KLF8: variants seen among roughly 807,000 people sequenced by gnomAD.
KLF8 encodes the protein KLF transcription factor 8, also known as Krueppel-like factor 8.
KLF8 carries 10 observed loss-of-function variants against 18.2 expected under a neutral mutation model. That is an observed-to-expected ratio of 0.55 (90% CI 0.34 to 0.93). KLF8 has a LOEUF of 0.93. KLF8 is among the 40% of genes least tolerant of loss of function. The probability of loss-of-function intolerance (pLI) is 0.02; values close to 1 mark genes in which losing one functional copy is unlikely to be tolerated. For synonymous variants in KLF8, 109 were observed against 97.3 expected (o/e 1.12, Z -0.71); for missense variants, 264 against 277.9 (o/e 0.95, Z 0.36).
At chrX:56,189,899 T>A in the KLF8 span, among the ~76,000 whole-genome samples, 1 of 99,238 alleles carries the variant, frequency 1.0e-5, no homozygotes, top group African/African-American at 3.6e-5. Flanking sequence ...AGGGATAACA[T>A]TAGGAGATAT....
chrX:56,178,878 T>G, the KLF8 span, among the ~76,000 whole-genome samples: 1 of 112,426 alleles, frequency 8.9e-6, no homozygotes, highest in African/African-American at 3.2e-5. Context: ...GCTGTTTCAG[T>G]TACTGTCGCC....
the KLF8 span, among the ~76,000 whole-genome samples, chrX:56,021,372 A>C: frequency 9.0e-6 from 1 of 111,712 alleles, no homozygotes; most frequent in South Asian, 3.7e-4. Context: ...CATTTGGGTC[A>C]TGTTCAGTTT....
chrX:56,167,227 T>C, the KLF8 span, among the ~76,000 whole-genome samples: 2 of 111,109 alleles, frequency 1.8e-5, no homozygotes, highest in Non-Finnish European at 3.8e-5. Flanking sequence ...GCCTCCTGGG[T>C]TCAAGCGATT....
At chrX:56,126,523 C>T in the KLF8 span, among the ~76,000 whole-genome samples, 1 of 111,030 alleles carries the variant, frequency 9.0e-6, no homozygotes, top group Non-Finnish European at 1.9e-5. Context: ...TCAGTGGCTT[C>T]CCATATTATT....
the KLF8 span, among the ~76,000 whole-genome samples, chrX:56,201,389 A>T: frequency 8.9e-6 from 1 of 111,850 alleles, no homozygotes; most frequent in African/African-American, 3.2e-5. Flanking sequence ...GATCACAATT[A>T]TTCGATGAAT....
At chrX:56,093,390 A>G in the KLF8 span, among the ~76,000 whole-genome samples, 1 of 111,243 alleles carries the variant, frequency 9.0e-6, no homozygotes, top group Non-Finnish European at 1.9e-5. Context: ...AAACAACAAG[A>G]GAGTGGAGTA....
chrX:56,215,175 G>T, the KLF8 span, among the ~76,000 whole-genome samples: 1 of 111,482 alleles, frequency 9.0e-6, no homozygotes, highest in Non-Finnish European at 1.9e-5. Flanking sequence ...ATTAAGTGCT[G>T]CCCTTGTTGT....
Position 56,262,926 on chromosome X carries a change from A to G in KLF8, c.82-2254A>G, listed in dbSNP as rs764489937. On this transcript the variant is annotated intron_variant, in intron 2 of 5. Transcript: ENST00000468660. ...GCATGAGCCACCGCGCCCGCCCTAC[A>G]CTGAACCTCTTCTTATGCTTTCTAT... 5.4e-5 allele frequency among the ~76,000 whole-genome samples: 6 copies of G among 111,886 alleles called. No individual in the cohort carries two copies. The South Asian group carries it at 2.3e-3, about 42-fold the overall frequency.
At chrX:56,242,933 C>CA (rs2066566248) in intron 1 of KLF8, 1 of 449,900 alleles carries the variant, frequency 2.2e-6, no homozygotes, top group Admixed American at 2.4e-5. Flanking sequence ...CAGCTGGACT[C>CA]AGTTTAGATG....
chrX:56,215,864 GAAAAGAAAAGA>G, the KLF8 span, among the ~76,000 whole-genome samples: 3 of 48,712 alleles, frequency 6.2e-5, no homozygotes, highest in Non-Finnish European at 1.1e-4. Context: ...AAAAAAAAAA[GAAAAGAAAAGA>G]AAAAGAAAGA....
chrX:56,151,386 T>C, the KLF8 span, among the ~76,000 whole-genome samples: 1 of 111,697 alleles, frequency 9.0e-6, no homozygotes, highest in Non-Finnish European at 1.9e-5. Context: ...TTATTGCAAG[T>C]ACAGACAAGA....
At chrX:56,051,808 G>A in the KLF8 span, among the ~76,000 whole-genome samples, 3 of 107,267 alleles carry the variant, frequency 2.8e-5, no homozygotes, top group Non-Finnish European at 5.7e-5. Flanking sequence ...GAATCTGAAC[G>A]TTGGCCTGCC....
Position 56,284,453 on chromosome X carries a change from G to T in KLF8, c.1039G>T (p.Asp347Tyr). Residue 347 changes from aspartate to tyrosine, a missense_variant, in exon 6 of 6, where the codon GAC becomes TAC. Physicochemically the swap from Asp to Tyr is radical, Grantham distance 160 (BLOSUM62 -3). Transcript: ENST00000468660. ...CTGCAACCGCAGCTTTTCTCGTTCTGACCACCTGTCCCTGCATCGCCGTCG... is the reference window on the plus strand; with the variant it reads ...CTGCAACCGCAGCTTTTCTCGTTCTTACCACCTGTCCCTGCATCGCCGTCG... ...TDCNRSFSRS[D>Y]HLSLHRRRHD... 1 of 1,205,616 alleles carries T rather than the reference G, an allele frequency of 8.3e-7. No homozygotes were observed. Among genetic ancestry groups the T allele is most frequent in the Non-Finnish European group, 1.1e-6 (1 of 892,954 alleles).
chrX:56,206,348 C>T, the KLF8 span, among the ~76,000 whole-genome samples: 2 of 111,764 alleles, frequency 1.8e-5, no homozygotes, highest in East Asian at 2.8e-4. Context: ...AAGGTCTTAT[C>T]TGAGACAAGG....
intron 1 of KLF8, among the ~76,000 whole-genome samples, chrX:56,236,655 A>G (rs1417990710): frequency 9.0e-6 from 1 of 111,434 alleles, no homozygotes; most frequent in Non-Finnish European, 1.9e-5. Context: ...CAACTAAAAC[A>G]TGCATTTTCA....
At chrX:56,004,215 C>A in the KLF8 span, among the ~76,000 whole-genome samples, 1 of 112,257 alleles carries the variant, frequency 8.9e-6, no homozygotes, top group Non-Finnish European at 1.9e-5. Context: ...TTGTGAAGGT[C>A]AAATGAGTCA....
the KLF8 span, among the ~76,000 whole-genome samples, chrX:55,989,427 T>C: frequency 8.9e-6 from 1 of 112,812 alleles, no homozygotes; most frequent in Admixed American, 9.3e-5. Context: ...TGTTGAATTC[T>C]GTCAAAGGCC....
the KLF8 span, among the ~76,000 whole-genome samples, chrX:56,147,681 T>C: frequency 8.9e-6 from 1 of 111,805 alleles, no homozygotes; most frequent in African/African-American, 3.3e-5. Flanking sequence ...TGAAAACTTT[T>C]TGAAACTAAA....
chrX:56,209,746 T>C, the KLF8 span, among the ~76,000 whole-genome samples: 1 of 111,965 alleles, frequency 8.9e-6, no homozygotes, highest in Non-Finnish European at 1.9e-5. Context: ...ATCTAGTGAA[T>C]GTGATTTTCT....
Sources: gnomAD v4.1 joint callset for allele counts (sites outside exome capture counted in the v4.1 genomes callset) on GRCh38, gnomAD v4.1.1 for gene constraint, MANE v1.5 for transcripts, NCBI Gene and HGNC (gene_info 2026-07-23, HGNC 2026-07-21) for gene names.